Variants in EPB41 observed in about 807,000 individuals in gnomAD.
EPB41 encodes the protein erythrocyte membrane protein band 4.1, also known as protein 4.1.
A neutral mutation model predicts 108.0 loss-of-function variants in EPB41; 65 were observed. The observed-to-expected ratio is 0.60, with a 90% CI of 0.49 to 0.74. The LOEUF (loss-of-function observed/expected upper bound fraction) is 0.74. Among genes scored for constraint, EPB41 ranks in the 30% least tolerant of loss-of-function variants. EPB41 has a pLI of 0.00. For synonymous variants in EPB41, 336 were observed against 358.9 expected, an observed-to-expected ratio of 0.94 and a Z score of 0.72; for missense variants, 875 against 1,037.0, an observed-to-expected ratio of 0.84 and a Z score of 2.15.
chr1:29,067,496 A>C (rs1258656735), intron 16 of EPB41, among the ~76,000 whole-genome samples: 1 of 2,674 alleles, frequency 3.7e-4, no homozygotes, highest in Non-Finnish European at 3.1e-3. Context: ...ACTCTGTCTC[A>C]AAAAAAAAAA....
rs951165312 is a variant in EPB41 at position 28,949,833 on chromosome 1, A to C, written c.-8+35065A>C. Reference sequence around the variant, plus strand: ...TGGCCAGGGTGGTCTCGATCTCCTGACCTTGTGATGTGCCCGCCTCGGCCT... The same window carrying C: ...TGGCCAGGGTGGTCTCGATCTCCTGCCCTTGTGATGTGCCCGCCTCGGCCT... On this transcript the variant is annotated intron_variant, in intron 1 of 20. Transcript: ENST00000343067. Among the ~76,000 whole-genome samples, 169 of 151,904 alleles carry C rather than the reference A, an allele frequency of 1.1e-3. 4 individuals are homozygous for C. The highest frequency in any genetic ancestry group is 3.5e-4 in the Non-Finnish European group (24 of 67,996).
chr1:29,022,430 A>G (rs1294835694), intron 7 of EPB41, among the ~76,000 whole-genome samples: 1 of 151,942 alleles, frequency 6.6e-6, no homozygotes, highest in Non-Finnish European at 1.5e-5. Context: ...ATACCAGAAA[A>G]GAATATTTTA....
chr1:28,905,818 CTT>C (rs573552880), intron 1 of EPB41, among the ~76,000 whole-genome samples: 15,403 of 133,404 alleles, frequency 0.12, 1,004 homozygotes, highest in African/African-American at 0.23. Flanking sequence ...TTCTTTCTTT[CTT>C]TTTTTTTTTT....
intron 16 of EPB41, among the ~76,000 whole-genome samples, chr1:29,078,280 A>G (rs1026210480): frequency 5.9e-5 from 9 of 152,204 alleles, no homozygotes; most frequent in Non-Finnish European, 1.3e-4. Flanking sequence ...GACCCCTGGT[A>G]CAGACCAGAA....
intron 15 of EPB41, among the ~76,000 whole-genome samples, chr1:29,064,607 A>C (rs1647030710): frequency 6.6e-6 from 1 of 152,152 alleles, no homozygotes; most frequent in African/African-American, 2.4e-5. Flanking sequence ...GCTGAGCCTA[A>C]AATAATTTCT....
intron 1 of EPB41, among the ~76,000 whole-genome samples, chr1:28,926,863 T>C (rs2093475259): frequency 6.6e-6 from 1 of 152,190 alleles, no homozygotes; most frequent in South Asian, 2.1e-4. Flanking sequence ...TATATAAACA[T>C]GTGTAATATA....
At chr1:29,070,665 C>G in intron 16 of EPB41, 6 of 1,231,730 alleles carry the variant, frequency 4.9e-6, no homozygotes, top group Non-Finnish European at 6.1e-6. Context: ...GAACTTCTGT[C>G]CTTGGCTTCA....
intron 16 of EPB41, among the ~76,000 whole-genome samples, chr1:29,092,827 G>A (rs921160793): frequency 2.0e-5 from 3 of 152,056 alleles, no homozygotes; most frequent in Non-Finnish European, 4.4e-5. Context: ...TCCTGTGTTC[G>A]TTTGCTAAGG....
intron 3 of EPB41, among the ~76,000 whole-genome samples, chr1:28,995,263 AG>A (rs2096139532): frequency 6.6e-6 from 1 of 152,008 alleles, no homozygotes; most frequent in Non-Finnish European, 1.5e-5. Flanking sequence ...GATGTGTCAT[AG>A]AATTCAGAAT....
intron 1 of EPB41, among the ~76,000 whole-genome samples, chr1:28,942,719 A>G (rs904333683): frequency 3.9e-5 from 6 of 152,078 alleles, no homozygotes; most frequent in Non-Finnish European, 5.9e-5. Context: ...AAGCTCCTTT[A>G]CCCTCCCTGG....
intron 4 of EPB41, 148 bp from the exon 5 acceptor site, chr1:29,011,717 T>C (rs1056167375): frequency 1.4e-5 from 12 of 858,328 alleles, no homozygotes; most frequent in Non-Finnish European, 2.2e-5. Flanking sequence ...AAAATCACTA[T>C]GCTTTGTGAA....
intron 1 of EPB41, among the ~76,000 whole-genome samples, chr1:28,904,168 CTTTTTTTTTT>C (rs533536807): frequency 2.3e-5 from 3 of 132,216 alleles, no homozygotes; most frequent in Non-Finnish European, 4.9e-5. Context: ...CCCGGCCCAG[CTTTTTTTTTT>C]TTTTTTTTTA....
At chr1:29,098,805 G>A (rs539985109) in intron 17 of EPB41, among the ~76,000 whole-genome samples, 49 of 151,716 alleles carry the variant, frequency 3.2e-4, no homozygotes, top group African/African-American at 1.2e-3. Flanking sequence ...GTGCAGTGGC[G>A]TGATGATCTC....
At chr1:28,990,231 C>CA (rs529982149) in intron 2 of EPB41, among the ~76,000 whole-genome samples, 2,764 of 85,656 alleles carry the variant, frequency 0.032, 69 homozygotes, top group African/African-American at 0.061. Flanking sequence ...GATTCCATCT[C>CA]AAAAAAAAAA....
intron 2 of EPB41, among the ~76,000 whole-genome samples, chr1:28,990,609 C>T (rs1289050902): frequency 4.6e-5 from 7 of 151,544 alleles, no homozygotes; most frequent in East Asian, 1.9e-4. Context: ...TTGGTAGAGA[C>T]GGTCTTGCTT....
intron 2 of EPB41, among the ~76,000 whole-genome samples, chr1:28,990,296 T>TTTCCTTCCCTCCTTCCTTCCTTCC (rs2095979720): frequency 6.8e-5 from 3 of 44,062 alleles, no homozygotes; most frequent in South Asian, 2.1e-3. Context: ...GTTTTTCAAA[T>TTTCCTTCCCTCCTTCCTTCCTTCC]TTCCTTCCTT....
At chr1:29,037,876 C>G (rs994570489) in intron 10 of EPB41, among the ~76,000 whole-genome samples, 1 of 132,180 alleles carries the variant, frequency 7.6e-6, no homozygotes, top group African/African-American at 2.5e-5. Context: ...TGGAAAATTT[C>G]ATATGTAGCA....
intron 8 of EPB41, among the ~76,000 whole-genome samples, chr1:29,031,391 G>A (rs547758828): frequency 1.3e-5 from 2 of 152,270 alleles, no homozygotes; most frequent in South Asian, 4.2e-4. Flanking sequence ...CAGATGTATG[G>A]AATTAATTTG....
intron 17 of EPB41, among the ~76,000 whole-genome samples, chr1:29,104,138 G>A (rs1666355348): frequency 6.6e-6 from 1 of 152,176 alleles, no homozygotes; most frequent in Admixed American, 6.5e-5. Context: ...GTGGCTAATA[G>A]TTGTACCTCA....
Sources: gnomAD v4.1 joint callset for allele counts (sites outside exome capture counted in the v4.1 genomes callset) on GRCh38, gnomAD v4.1.1 for gene constraint, MANE v1.5 for transcripts, NCBI Gene and HGNC (gene_info 2026-07-23, HGNC 2026-07-21) for gene names.